The following SGK3 variants were observed in gnomAD, a reference collection of about 807,000 sequenced individuals.
SGK3 encodes the protein serine/threonine-protein kinase Sgk3.
SGK3 carries 47 observed loss-of-function variants against 68.5 expected under a neutral mutation model. The observed-to-expected ratio is 0.69, with a 90% CI of 0.54 to 0.87. SGK3 has a LOEUF of 0.87. Among genes scored for constraint, SGK3 ranks in the 40% least tolerant of loss-of-function variants. The pLI, the probability that SGK3 is intolerant of heterozygous loss-of-function variation, is 0.00. For synonymous variants in SGK3, 181 were observed against 189.1 expected (o/e 0.96, Z 0.35); for missense variants, 479 against 575.5 (o/e 0.83, Z 1.72).
At chr8:66,739,653 C>T (rs1805424050) in intron 1 of SGK3, among the ~76,000 whole-genome samples, 1 of 152,180 alleles carries the variant, frequency 6.6e-6, no homozygotes, top group Non-Finnish European at 1.5e-5. Flanking sequence ...GCCTCAGCCT[C>T]CCAAAGTGCT....
intron 4 of SGK3, among the ~76,000 whole-genome samples, chr8:66,807,782 G>A (rs1808224010): frequency 6.6e-6 from 1 of 152,128 alleles, no homozygotes; most frequent in Non-Finnish European, 1.5e-5. Flanking sequence ...ACATTTCTAG[G>A]AATCTGTCCC....
intron 3 of SGK3, among the ~76,000 whole-genome samples, chr8:66,801,751 A>G (rs1285371846): frequency 1.3e-5 from 2 of 151,998 alleles, no homozygotes; most frequent in African/African-American, 4.8e-5. Flanking sequence ...CATAGGCTAG[A>G]TTTACCTTCT....
At chr8:66,749,930 A>AGG (rs1242197856) in intron 1 of SGK3, among the ~76,000 whole-genome samples, 11 of 135,482 alleles carry the variant, frequency 8.1e-5, no homozygotes, top group African/African-American at 2.0e-4. Context: ...AATAGTTTCT[A>AGG]GGGTGTGTGT....
rs368207408 is a variant in SGK3 at position 66,786,174 on chromosome 8, C to T, written c.-121-7442C>T. On this transcript the variant is annotated intron_variant, in intron 1 of 16. Coordinates refer to ENST00000521198, the MANE Select transcript of SGK3 (RefSeq NM_001033578.3). Reference sequence around the variant, plus strand: ...TACATGTATAGTAATAGCAGGGTTGCTTTTTCATTTTACTTTTAATCACTT... The same window carrying T: ...TACATGTATAGTAATAGCAGGGTTGTTTTTTCATTTTACTTTTAATCACTT... Among the ~76,000 whole-genome samples, 20 of 151,698 alleles carry T rather than the reference C, an allele frequency of 1.3e-4. 1 individual carries two copies. The highest frequency in any genetic ancestry group is 9.6e-4 in the East Asian group (5 of 5,186).
intron 1 of SGK3, among the ~76,000 whole-genome samples, chr8:66,749,262 C>G (rs1805741723): frequency 6.6e-6 from 1 of 152,028 alleles, no homozygotes; most frequent in South Asian, 2.1e-4. Flanking sequence ...ACCTGTAATC[C>G]CAGCACTTTG....
chr8:66,782,544 G>T (rs1807033099), intron 1 of SGK3, among the ~76,000 whole-genome samples: 1 of 152,042 alleles, frequency 6.6e-6, no homozygotes, highest in Admixed American at 6.5e-5. Flanking sequence ...ACATTCTGTG[G>T]GTTTGGACAA....
At chr8:66,794,699 C>T (rs1328615914) in intron 2 of SGK3, among the ~76,000 whole-genome samples, 1 of 152,302 alleles carries the variant, frequency 6.6e-6, no homozygotes, top group Non-Finnish European at 1.5e-5. Context: ...CTCAGGTTGG[C>T]ATCATGGTTT....
chr8:66,797,871 T>A (rs1421789811), intron 2 of SGK3, among the ~76,000 whole-genome samples: 1 of 152,208 alleles, frequency 6.6e-6, no homozygotes, highest in African/African-American at 2.4e-5. Context: ...CATGTTAGAA[T>A]TCAATAGATC....
chr8:66,756,146 G>A lies in SGK3; in HGVS notation c.-121-37470G>A, dbSNP rs145471176. 7.2e-4 allele frequency among the ~76,000 whole-genome samples: 109 copies of A among 152,228 alleles called. 1 individual carries two copies. The East Asian group carries it at 0.02, about 28-fold the overall frequency. Reference sequence around the variant, plus strand: ...AATTTGGACTTAGCTACGTACACAAGGAAGATGCTGTGAGGACACAGGGAG... The same window carrying A: ...AATTTGGACTTAGCTACGTACACAAAGAAGATGCTGTGAGGACACAGGGAG... On this transcript the variant is annotated intron_variant, in intron 1 of 16. Coordinates refer to ENST00000521198, the MANE Select transcript of SGK3 (RefSeq NM_001033578.3).
chr8:66,740,728 G>A (rs1025022833), intron 1 of SGK3, among the ~76,000 whole-genome samples: 4 of 152,004 alleles, frequency 2.6e-5, no homozygotes, highest in African/African-American at 7.2e-5. Flanking sequence ...CCAACATGGC[G>A]AAACCCTGTC....
intron 10 of SGK3, among the ~76,000 whole-genome samples, chr8:66,838,452 C>T (rs1489377100): frequency 6.6e-6 from 1 of 152,146 alleles, no homozygotes; most frequent in Non-Finnish European, 1.5e-5. Context: ...AAGTGTCAGA[C>T]CCTGCATTTA....
intron 14 of SGK3, among the ~76,000 whole-genome samples, chr8:66,846,545 C>A (rs895916784): frequency 4.6e-5 from 7 of 152,166 alleles, no homozygotes; most frequent in African/African-American, 1.7e-4. Context: ...AACTCCTGGC[C>A]TCAAGCAATC....
At chr8:66,843,625 T>C (rs1029682516) in intron 14 of SGK3, 78 bp downstream of exon 14, 2 of 1,414,144 alleles carry the variant, frequency 1.4e-6, no homozygotes, top group African/African-American at 1.4e-5. Context: ...ACCTTAAGAA[T>C]CTCATGGACA....
intron 15 of SGK3, 121 bp downstream of exon 15, chr8:66,847,469 A>G: frequency 7.1e-7 from 1 of 1,416,648 alleles, no homozygotes; most frequent in Non-Finnish European, 9.4e-7. Flanking sequence ...GCAACATGGA[A>G]AAAAAGCATA....
intron 1 of SGK3, among the ~76,000 whole-genome samples, chr8:66,746,456 G>A (rs1010393598): frequency 1.3e-5 from 2 of 152,128 alleles, no homozygotes; most frequent in Non-Finnish European, 2.9e-5. Context: ...CACACCTGTA[G>A]TCCCAGTTAC....
chr8:66,826,122 G>A (rs1358266952), intron 6 of SGK3, among the ~76,000 whole-genome samples: 2 of 151,930 alleles, frequency 1.3e-5, no homozygotes, highest in East Asian at 1.9e-4. Context: ...ACAGGCGCAC[G>A]CCACCACGCC....
chr8:66,775,427 G>GT (rs1297808647), intron 1 of SGK3: 1 of 152,688 alleles, frequency 6.5e-6, no homozygotes, highest in African/African-American at 2.4e-5. Context: ...GGCAGGTGTG[G>GT]TGTGACGGGC....
chr8:66,770,136 A>G (rs1451282269), intron 1 of SGK3, among the ~76,000 whole-genome samples: 1 of 151,410 alleles, frequency 6.6e-6, no homozygotes. Flanking sequence ...TTGTATTTTT[A>G]GTAGAGATGG....
At chr8:66,839,761 G>A (rs1446752108) in intron 10 of SGK3, 2 of 411,502 alleles carry the variant, frequency 4.9e-6, no homozygotes, top group Non-Finnish European at 8.6e-6. Flanking sequence ...AGTAGTAAAT[G>A]GGAGATGAGT....
Sources: gnomAD v4.1 joint callset for allele counts (sites outside exome capture counted in the v4.1 genomes callset) on GRCh38, gnomAD v4.1.1 for gene constraint, MANE v1.5 for transcripts, NCBI Gene and HGNC (gene_info 2026-07-23, HGNC 2026-07-21) for gene names.